IDE: variants seen among roughly 807,000 people sequenced by gnomAD.
IDE encodes insulin-degrading enzyme.
In IDE, 58 loss-of-function variants were observed where a neutral mutation model predicts 133.2. The observed-to-expected ratio is 0.44, with a 90% CI of 0.35 to 0.54. The LOEUF (loss-of-function observed/expected upper bound fraction) is 0.54, where lower values mean the gene tolerates loss of function less well. Ranked by LOEUF, IDE falls within the 20% of genes least tolerant of loss-of-function variation. The probability of loss-of-function intolerance (pLI) is 0.00; values close to 1 mark genes in which losing one functional copy is unlikely to be tolerated. For missense variants in IDE, 981 were observed against 1,234.0 expected, an observed-to-expected ratio of 0.79 and a Z score of 3.07; for synonymous variants, 396 against 421.3, an observed-to-expected ratio of 0.94 and a Z score of 0.73.
At chr10:92,483,193 A>G (rs1846724621) in intron 14 of IDE, 62 bp downstream of exon 14, 2 of 806,218 alleles carry the variant, frequency 2.5e-6, no homozygotes, top group Admixed American at 2.2e-5. Flanking sequence ...AAGAACAGAC[A>G]ACTCCTGGAA....
At chr10:92,463,182 T>C (rs1276272311) in intron 21 of IDE, among the ~76,000 whole-genome samples, 4 of 152,224 alleles carry the variant, frequency 2.6e-5, no homozygotes, top group Non-Finnish European at 5.9e-5. Context: ...CTCTGACTTC[T>C]AGTACAGCTT....
chr10:92,565,071 C>G (rs549235058), intron 1 of IDE, among the ~76,000 whole-genome samples: 37 of 151,822 alleles, frequency 2.4e-4, no homozygotes, highest in Non-Finnish European at 4.4e-4. Flanking sequence ...CATGGTGAAA[C>G]CCCATCTCTA....
At chr10:92,476,726 T>C (rs745764794) in intron 15 of IDE, among the ~76,000 whole-genome samples, 37 of 152,306 alleles carry the variant, frequency 2.4e-4, no homozygotes, top group Middle Eastern at 6.8e-3. Flanking sequence ...GCATATACTA[T>C]ATCATCAAAA....
chr10:92,536,562 G>A (rs1389174192), intron 2 of IDE, among the ~76,000 whole-genome samples: 4 of 149,814 alleles, frequency 2.7e-5, no homozygotes, highest in Non-Finnish European at 4.4e-5. Context: ...GGCGGGCGTG[G>A]TGGCACGCGC....
chr10:92,524,470 A>T (rs371945356), intron 4 of IDE, among the ~76,000 whole-genome samples: 1,990 of 49,042 alleles, frequency 0.041, 474 homozygotes, highest in Non-Finnish European at 0.055. Flanking sequence ...ATTTTATATA[A>T]TATATAATAT....
intron 4 of IDE, among the ~76,000 whole-genome samples, chr10:92,527,321 C>T (rs1849682085): frequency 6.6e-6 from 1 of 152,122 alleles, no homozygotes; most frequent in Admixed American, 6.5e-5. Flanking sequence ...TCATGCACCC[C>T]TGCTTCAATT....
intron 23 of IDE, among the ~76,000 whole-genome samples, 197 bp downstream of exon 23, chr10:92,456,162 C>T (rs567011268): frequency 4.6e-5 from 7 of 152,296 alleles, no homozygotes; most frequent in African/African-American, 7.2e-5. Context: ...GTGGCTAGCT[C>T]GGCATTCTAT....
intron 4 of IDE, among the ~76,000 whole-genome samples, chr10:92,519,858 A>G (rs1009102442): frequency 7.2e-5 from 11 of 152,182 alleles, no homozygotes; most frequent in African/African-American, 2.4e-4. Context: ...TAATCACAAC[A>G]CTTTAGGAGG....
intron 11 of IDE, among the ~76,000 whole-genome samples, chr10:92,501,286 CAGG>C (rs1305797093): frequency 1.4e-5 from 2 of 141,154 alleles, no homozygotes; most frequent in Non-Finnish European, 3.0e-5. Flanking sequence ...TGCTTAAACC[CAGG>C]AGGAGGAGGT....
Position 92,531,817 on chromosome 10 carries a change from C to G in IDE, c.592G>C (p.Ala198Pro). 1 of 1,609,854 alleles carries G rather than the reference C, an allele frequency of 6.2e-7. No individual in the cohort carries two copies. The highest frequency in any genetic ancestry group is 1.1e-5 in the South Asian group (1 of 90,538). Residue 198 changes from alanine (A) to proline (P), a missense_variant, in exon 4 of 25, where the codon GCC (alanine) becomes CCC (proline). Ala to Pro is a conservative substitution (Grantham distance 27, BLOSUM62 -1). Transcript: ENST00000265986. ...SEHEKNVMND[A>P]WRLFQLEKAT... ...TTTTCCAATTGAAAGAGTCTCCAGG[C>G]ATCATTCATCACATTCTTCTCATGT... is the stretch of plus-strand genomic sequence containing the variant.
intron 20 of IDE, among the ~76,000 whole-genome samples, chr10:92,464,642 AG>A (rs1845574292): frequency 6.6e-6 from 1 of 152,066 alleles, no homozygotes; most frequent in Non-Finnish European, 1.5e-5. Context: ...CTCACTTCTG[AG>A]GAAGTTTCTA....
At chr10:92,512,895 T>C (rs1169452458) in intron 5 of IDE, among the ~76,000 whole-genome samples, 4 of 152,214 alleles carry the variant, frequency 2.6e-5, no homozygotes, top group African/African-American at 4.8e-5. Flanking sequence ...GCATTTGCTA[T>C]GTGCCATGCA....
rs1844768271 is a variant in IDE, at chr10:92,451,986, G to T, written c.*2458C>A. On this transcript the variant is annotated 3_prime_UTR_variant, in exon 25 of 25. Coordinates refer to ENST00000265986, the MANE Select transcript of IDE (RefSeq NM_004969.4). ...AGTCAGTGACAATACTCACAGCAAG[G>T]AGTCCAACATCAAATACTGAGATTC... The T allele has an allele frequency of 6.6e-6, 1 of 152,198 alleles. No individual in the cohort carries two copies. The highest frequency in any genetic ancestry group is 1.5e-5 in the Non-Finnish European group (1 of 68,040). The allele number at this position is 152,198 out of a possible 1,614,324, so 9.4% of individuals were successfully genotyped here.
In IDE at chr10:92,506,535, G is replaced by T; in HGVS notation, c.1246-13C>A. 5 of 1,381,278 alleles carry T rather than the reference G, an allele frequency of 3.6e-6. No individual in the cohort carries two copies. Among genetic ancestry groups the T allele is most frequent in the Non-Finnish European group, 5.1e-6 (5 of 979,014 alleles). 85.6% of individuals were successfully genotyped at this position (1,381,278 alleles called of 1,614,324 possible). ...CAGCATTCAAGTCCTAAAATAGAAA[G>T]TTAATCCAATTAGATACGGCCACCC... On this transcript the variant is annotated splice_polypyrimidine_tract_variant and intron_variant, in intron 9 of 24. Transcript: ENST00000265986.
intron 3 of IDE, among the ~76,000 whole-genome samples, chr10:92,533,327 G>A (rs528571381): frequency 1.2e-4 from 19 of 152,216 alleles, no homozygotes; most frequent in African/African-American, 3.6e-4. Context: ...ACATATTAGC[G>A]ATGATTACAC....
intron 3 of IDE, 112 bp downstream of exon 3, chr10:92,534,466 G>C (rs1850128767): frequency 2.8e-6 from 2 of 715,212 alleles, no homozygotes; most frequent in Non-Finnish European, 2.3e-6. Context: ...GAAAAACACT[G>C]TTTAAAATAC....
At chr10:92,482,356 A>C (rs1222684045) in intron 14 of IDE, among the ~76,000 whole-genome samples, 2 of 152,264 alleles carry the variant, frequency 1.3e-5, no homozygotes, top group African/African-American at 4.8e-5. Flanking sequence ...AAAGGAAGAC[A>C]AAGATGAATT....
At chr10:92,564,372 A>G (rs538217875) in intron 1 of IDE, among the ~76,000 whole-genome samples, 14 of 152,276 alleles carry the variant, frequency 9.2e-5, no homozygotes, top group African/African-American at 3.1e-4. Context: ...AGATTTGATC[A>G]TATAAGAAAC....
intron 4 of IDE, among the ~76,000 whole-genome samples, chr10:92,527,337 A>T (rs1849682806): frequency 6.6e-6 from 1 of 152,088 alleles, no homozygotes; most frequent in African/African-American, 2.4e-5. Context: ...CAATTCTACT[A>T]CTGTAACAAC....
Sources: allele counts gnomAD v4.1 joint callset (sites outside exome capture counted in the v4.1 genomes callset), GRCh38; gene constraint gnomAD v4.1.1; transcripts MANE v1.5; gene names NCBI Gene and HGNC (gene_info 2026-07-23, HGNC 2026-07-21).